The following THADA variants were observed in gnomAD, a reference collection of about 807,000 sequenced individuals.
THADA encodes the protein THADA armadillo repeat containing, also known as tRNA (32-2'-O)-methyltransferase regulator THADA.
THADA carries 213 observed loss-of-function variants against 219.8 expected under a neutral mutation model. That is an observed-to-expected ratio of 0.97 (90% CI 0.87 to 1.09). THADA has a LOEUF of 1.09. Among genes scored for constraint, THADA ranks in the 50% least tolerant of loss-of-function variants. The pLI is 0.00. For synonymous variants in THADA, 1,018 were observed against 828.9 expected, an observed-to-expected ratio of 1.23 and a Z score of -3.92; for missense variants, 2,956 against 2,311.3, an observed-to-expected ratio of 1.28 and a Z score of -5.72.
At chr2:43,379,334 T>C (rs1346556880) in intron 29 of THADA, among the ~76,000 whole-genome samples, 4 of 151,752 alleles carry the variant, frequency 2.6e-5, no homozygotes, top group South Asian at 2.1e-4. Context: ...TTTAATACAA[T>C]TGTAAAAGGA....
intron 29 of THADA, among the ~76,000 whole-genome samples, chr2:43,353,943 G>C (rs368010194): frequency 6.6e-6 from 1 of 151,722 alleles, no homozygotes; most frequent in Non-Finnish European, 1.5e-5. Flanking sequence ...TCAGCCTCCC[G>C]AGTAGCTAGG....
chr2:43,581,634 A>G, intron 8 of THADA, 107 bp downstream of exon 8: 1 of 956,418 alleles, frequency 1.0e-6, no homozygotes, highest in Non-Finnish European at 1.5e-6. Flanking sequence ...GACACATTCC[A>G]CATCTCAGTT....
intron 36 of THADA, among the ~76,000 whole-genome samples, chr2:43,251,738 G>A (rs1558469545): frequency 6.6e-6 from 1 of 152,192 alleles, no homozygotes; most frequent in Non-Finnish European, 1.5e-5. Context: ...GCCTCCCTCT[G>A]TTGGCTTTCT....
At chr2:43,593,836 T>C (rs971128494) in intron 1 of THADA, among the ~76,000 whole-genome samples, 4 of 152,126 alleles carry the variant, frequency 2.6e-5, no homozygotes, top group East Asian at 3.9e-4. Flanking sequence ...GGTTTCATCA[T>C]GTTAGCCAGG....
intron 25 of THADA, among the ~76,000 whole-genome samples, chr2:43,498,228 A>T (rs569658047): frequency 7.6e-4 from 116 of 152,212 alleles, no homozygotes; most frequent in Non-Finnish European, 1.3e-3. Flanking sequence ...GGGGTGAGGG[A>T]GATGAGAGAT....
intron 30 of THADA, among the ~76,000 whole-genome samples, chr2:43,338,906 A>G (rs1467317608): frequency 1.3e-5 from 2 of 152,210 alleles, no homozygotes; most frequent in Non-Finnish European, 2.9e-5. Context: ...TTCTATTTTC[A>G]ATTTTTTGAG....
chr2:43,421,714 T>C (rs1677746311), intron 28 of THADA, among the ~76,000 whole-genome samples: 1 of 152,198 alleles, frequency 6.6e-6, no homozygotes, highest in African/African-American at 2.4e-5. Context: ...ATTAAATTAA[T>C]AAAGAATGCT....
intron 26 of THADA, among the ~76,000 whole-genome samples, chr2:43,472,084 T>A (rs902160027): frequency 4.6e-5 from 7 of 152,142 alleles, no homozygotes; most frequent in East Asian, 1.9e-4. Context: ...TTAACAGGGA[T>A]TGGGGGAAGA....
At position 43,541,325 on chromosome 2, in the gene THADA, A is replaced by AAAAAAAACACAAC. The variant is rs1695279094; in HGVS notation, c.3107-22_3107-10dup. Reference sequence around the variant, plus strand: ...TGTTTTTACTTCTTTACCTTAAACAAAAAAAAACACAACGATTGCAACCTT... The same window carrying AAAAAAAACACAAC: ...TGTTTTTACTTCTTTACCTTAAACAAAAAAAAACACAACAAAAAAACACAACGATTGCAACCTT... On this transcript the variant is annotated splice_polypyrimidine_tract_variant and intron_variant, in intron 20 of 37. Coordinates refer to ENST00000405975, the MANE Select transcript of THADA (RefSeq NM_022065.5). 6.2e-7 allele frequency: 1 copy of AAAAAAAACACAAC among 1,611,588 alleles called. No individual in the cohort carries two copies. The highest frequency in any genetic ancestry group is 2.2e-5 in the East Asian group (1 of 44,790).
At chr2:43,304,643 T>A (rs1224513241) in intron 31 of THADA, among the ~76,000 whole-genome samples, 3 of 151,564 alleles carry the variant, frequency 2.0e-5, no homozygotes, top group Non-Finnish European at 4.4e-5. Context: ...CTTAAAAAAG[T>A]AGGAGACGAA....
rs112053203 is a variant in THADA at position 43,516,659 on chromosome 2, T to C, written c.3375-7879A>G. Among the ~76,000 whole-genome samples the C allele has an allele frequency of 6.1e-3, 926 of 152,230 alleles. 5 individuals are homozygous for C. The highest frequency in any genetic ancestry group is 0.019 in the African/African-American group (804 of 41,544). On this transcript the variant is annotated intron_variant, in intron 22 of 37. Transcript: ENST00000405975. ...AATTTGCTCAAGGTTACATAGCAAG[T>C]ACGTGGCAGAGGGAGAATTAAAATG...
intron 25 of THADA, among the ~76,000 whole-genome samples, chr2:43,497,345 A>T (rs933808419): frequency 6.6e-6 from 1 of 152,258 alleles, no homozygotes; most frequent in African/African-American, 2.4e-5. Context: ...ACCATGGAAT[A>T]CTATTCAGCC....
At chr2:43,550,830 A>C (rs894775132) in intron 19 of THADA, among the ~76,000 whole-genome samples, 3 of 152,320 alleles carry the variant, frequency 2.0e-5, no homozygotes, top group African/African-American at 7.2e-5. Context: ...TAAAGCGACA[A>C]AATTTAGTAT....
chr2:43,360,958 C>T (rs1162209614), intron 29 of THADA, among the ~76,000 whole-genome samples: 1 of 152,162 alleles, frequency 6.6e-6, no homozygotes, highest in Non-Finnish European at 1.5e-5. Context: ...CCCCAGGAGA[C>T]ATCTGACAAT....
At chr2:43,276,973 A>G (rs1278358963) in intron 36 of THADA, among the ~76,000 whole-genome samples, 3 of 151,246 alleles carry the variant, frequency 2.0e-5, no homozygotes, top group Non-Finnish European at 4.4e-5. Context: ...AGATTACCCA[A>G]CCCCCAACCA....
At chr2:43,446,219 A>G (rs1386797662) in intron 26 of THADA, among the ~76,000 whole-genome samples, 1 of 152,260 alleles carries the variant, frequency 6.6e-6, no homozygotes, top group Non-Finnish European at 1.5e-5. Flanking sequence ...ATCATTTACT[A>G]AACAGTTTCT....
chr2:43,449,757 A>G (rs1440295153), intron 26 of THADA, among the ~76,000 whole-genome samples: 1 of 152,218 alleles, frequency 6.6e-6, no homozygotes, highest in Non-Finnish European at 1.5e-5. Context: ...TGACAGGGCA[A>G]GACCCCGTCT....
intron 29 of THADA, among the ~76,000 whole-genome samples, chr2:43,348,776 G>C (rs1020837744): frequency 2.0e-5 from 3 of 152,198 alleles, no homozygotes; most frequent in Non-Finnish European, 4.4e-5. Flanking sequence ...TTGGGAATGA[G>C]GGAGGGGAAT....
At chr2:43,485,165 A>T in intron 26 of THADA, 69 bp downstream of exon 26, 1 of 1,221,006 alleles carries the variant, frequency 8.2e-7, no homozygotes. Flanking sequence ...ACAATTTCAA[A>T]ATTTGTTTTT....
Sources: gnomAD v4.1 joint callset for allele counts (sites outside exome capture counted in the v4.1 genomes callset) on GRCh38, gnomAD v4.1.1 for gene constraint, MANE v1.5 for transcripts, NCBI Gene and HGNC (gene_info 2026-07-23, HGNC 2026-07-21) for gene names.